ARHGAP40: variants seen among roughly 807,000 people sequenced by gnomAD.
The protein encoded by ARHGAP40 is rho GTPase-activating protein 40.
In ARHGAP40, 43 loss-of-function variants were observed where a neutral mutation model predicts 73.5. The ratio of observed to expected loss-of-function variants is 0.58; its 90% confidence interval spans 0.46 to 0.75. The LOEUF is 0.75. Ranked by LOEUF, ARHGAP40 falls within the 30% of genes least tolerant of loss-of-function variation. ARHGAP40 has a pLI of 0.00. For missense variants in ARHGAP40, 734 were observed against 861.8 expected (o/e 0.85, Z 1.86); for synonymous variants, 300 against 352.8 (o/e 0.85, Z 1.68).
At chr20:38,632,888 C>T (rs112793508) in intron 5 of ARHGAP40, among the ~76,000 whole-genome samples, 5,155 of 151,998 alleles carry the variant, frequency 0.034, 89 homozygotes, top group South Asian at 0.062. Flanking sequence ...TTTGGGAGGC[C>T]GAGGCAGGCA....
chr20:38,637,916 A>C, intron 7 of ARHGAP40, 117 bp downstream of exon 7: 4 of 832,178 alleles, frequency 4.8e-6, no homozygotes, highest in Non-Finnish European at 6.5e-6. Flanking sequence ...AATCAGGCAG[A>C]CTTGGGTTCA....
intron 10 of ARHGAP40, among the ~76,000 whole-genome samples, chr20:38,643,445 C>T (rs1192480995): frequency 2.0e-5 from 3 of 152,182 alleles, no homozygotes; most frequent in Non-Finnish European, 4.4e-5. Flanking sequence ...AAGTTGAAGT[C>T]TGACCCAGTT....
At chr20:38,637,639 T>C in intron 6 of ARHGAP40, 69 bp from the exon 7 acceptor site, 1 of 1,195,070 alleles carries the variant, frequency 8.4e-7, no homozygotes, top group Non-Finnish European at 1.1e-6. Context: ...GCCCAGGAGA[T>C]CCTGTAGGTC....
intron 1 of ARHGAP40, among the ~76,000 whole-genome samples, chr20:38,607,184 T>C (rs867901264): frequency 6.6e-6 from 1 of 152,194 alleles, no homozygotes; most frequent in Non-Finnish European, 1.5e-5. Flanking sequence ...GACAAGTACA[T>C]TCGGGACTCC....
chr20:38,610,978 C>G (rs952441229), intron 1 of ARHGAP40, among the ~76,000 whole-genome samples: 1 of 151,600 alleles, frequency 6.6e-6, no homozygotes, highest in African/African-American at 2.4e-5. Flanking sequence ...CAACCTCCAC[C>G]TCCGGGGTTT....
exon 15 of ARHGAP40, chr20:38,650,236 T>C (rs1481277536): frequency 2.4e-6 from 1 of 414,600 alleles, no homozygotes; most frequent in Non-Finnish European, 4.9e-6. Flanking sequence ...CGCCACCACT[T>C]GGGGCGCTTG....
At chr20:38,605,946 G>A (rs1355535055) in intron 1 of ARHGAP40, among the ~76,000 whole-genome samples, 1 of 152,008 alleles carries the variant, frequency 6.6e-6, no homozygotes, top group Non-Finnish European at 1.5e-5. Context: ...AGGCTGGAGT[G>A]CAGTGGTGGA....
chr20:38,608,226 A>ACTC (rs10626092), intron 1 of ARHGAP40, among the ~76,000 whole-genome samples: 140,883 of 152,024 alleles, frequency 0.93, 65,265 homozygotes, highest in Middle Eastern at 0.96. Context: ...CCCAGGGAAA[A>ACTC]CTTTGCACTT....
intron 1 of ARHGAP40, among the ~76,000 whole-genome samples, chr20:38,612,937 C>G (rs1450829754): frequency 6.6e-6 from 1 of 152,164 alleles, no homozygotes; most frequent in African/African-American, 2.4e-5. Context: ...TAAGGACTTT[C>G]GAAGCTTCTC....
At chr20:38,609,945 C>T (rs73905650) in intron 1 of ARHGAP40, among the ~76,000 whole-genome samples, 1,560 of 152,320 alleles carry the variant, frequency 0.01, 24 homozygotes, top group African/African-American at 0.035. Flanking sequence ...GAAGAGTGAG[C>T]AATGAGGACC....
At chr20:38,638,617 T>C (rs1256033441) in intron 7 of ARHGAP40, 144 bp from the exon 8 acceptor site, 4 of 442,380 alleles carry the variant, frequency 9.0e-6, no homozygotes, top group African/African-American at 2.1e-5. Context: ...CTCATGGAAG[T>C]GGTCACAAAA....
intron 1 of ARHGAP40, among the ~76,000 whole-genome samples, chr20:38,610,895 C>CTTT (rs1409196101): frequency 1.9e-5 from 2 of 105,672 alleles, no homozygotes. Context: ...TTTTTTTTTT[C>CTTT]TTTTTTTTTT....
At chr20:38,606,282 T>G (rs1430640647) in intron 1 of ARHGAP40, among the ~76,000 whole-genome samples, 1 of 152,234 alleles carries the variant, frequency 6.6e-6, no homozygotes, top group East Asian at 1.9e-4. Context: ...GTTGCTATTA[T>G]AAACTATACT....
At position 38,638,855 on chromosome 20, in the gene ARHGAP40, C is replaced by T. The variant is rs2088994532; in HGVS notation, c.1119+17C>T. The T allele has an allele frequency of 7.7e-7, 1 of 1,304,562 alleles. No individual in the cohort carries two copies. Among genetic ancestry groups the T allele is most frequent in the African/African-American group, 1.5e-5 (1 of 65,826 alleles). The allele number at this position is 1,304,562 out of a possible 1,614,324, so 80.8% of individuals were successfully genotyped here. ...AGGGTCAAGGTAATGGTTTGGCTTC[C>T]TGGCTTCACTGAGGCTGCATCTCCC... On this transcript the variant is annotated intron_variant, in intron 8 of 14. Transcript: ENST00000373345.
chr20:38,624,598 C>T (rs963422722), intron 2 of ARHGAP40, among the ~76,000 whole-genome samples: 6 of 152,078 alleles, frequency 3.9e-5, no homozygotes, highest in Admixed American at 1.3e-4. Flanking sequence ...TGTCCTCGGG[C>T]CTCCTTGCTG....
intron 5 of ARHGAP40, among the ~76,000 whole-genome samples, chr20:38,630,332 A>T (rs1454881088): frequency 6.7e-6 from 1 of 149,050 alleles, no homozygotes; most frequent in Admixed American, 6.7e-5. Flanking sequence ...CTATCCTTAC[A>T]CCTCAGTCTC....
exon 1 of ARHGAP40, chr20:38,601,843 C>A (rs6070740): frequency 0.71 from 887,456 of 1,245,534 alleles, 324,633 homozygotes; most frequent in East Asian, 0.83. Context: ...ACTGGGTGCG[C>A]CACGGGGGCC....
chr20:38,638,675 C>T (rs1042707465), intron 7 of ARHGAP40, 86 bp from the exon 8 acceptor site: 3 of 1,058,338 alleles, frequency 2.8e-6, no homozygotes, highest in Non-Finnish European at 2.6e-6. Context: ...TCCCCTCTTT[C>T]TGATTTTCAT....
At position 38,637,887 on chromosome 20, in the gene ARHGAP40, G is replaced by T. The variant is rs2088987047; in HGVS notation, c.1041+88G>T. 4 of 1,036,678 alleles carry T rather than the reference G, an allele frequency of 3.9e-6. No homozygotes were observed. The Admixed American group carries it at 1.3e-4, about 34-fold the overall frequency. The allele number at this position is 1,036,678 out of a possible 1,614,324, so 64.2% of individuals were successfully genotyped here. On this transcript the variant is annotated intron_variant, in intron 7 of 14. Coordinates refer to ENST00000373345, the Ensembl canonical transcript of ARHGAP40. ...TTGTCAGGAGACATCCAGCAAAGGG[G>T]TGAAAGGATGTGCTTTAGAATCAGG...
Sources: allele counts gnomAD v4.1 joint callset (sites outside exome capture counted in the v4.1 genomes callset), GRCh38; gene constraint gnomAD v4.1.1; transcripts MANE v1.5; gene names NCBI Gene and HGNC (gene_info 2026-07-23, HGNC 2026-07-21).